Variants in ECM2 observed in about 807,000 individuals in gnomAD.
ECM2 encodes the protein extracellular matrix protein 2.
A neutral mutation model predicts 67.5 loss-of-function variants in ECM2; 57 were observed. The observed-to-expected ratio is 0.84, with a 90% CI of 0.68 to 1.05. ECM2 has a LOEUF of 1.05. ECM2 is among the 50% of genes least tolerant of loss of function. ECM2 has a pLI of 0.00. For missense variants in ECM2, 741 were observed against 822.8 expected (o/e 0.90, Z 1.22); for synonymous variants, 258 against 294.5 (o/e 0.88, Z 1.27).
upstream of ECM2, among the ~76,000 whole-genome samples, chr9:92,540,654 G>T (rs939702701): frequency 6.8e-6 from 1 of 147,724 alleles, no homozygotes; most frequent in Non-Finnish European, 1.5e-5. Context: ...GCCTGTAGTC[G>T]CAGCTACTCG....
chr9:92,507,823 G>A (rs566177297), intron 6 of ECM2, among the ~76,000 whole-genome samples: 16 of 152,088 alleles, frequency 1.1e-4, no homozygotes, highest in African/African-American at 2.2e-4. Context: ...TCCATAACAC[G>A]TGTGCACATC....
chr9:92,513,493 C>T (rs943415970), intron 4 of ECM2, among the ~76,000 whole-genome samples: 4 of 152,134 alleles, frequency 2.6e-5, no homozygotes, highest in African/African-American at 9.7e-5. Context: ...AACATCTGTA[C>T]GTGGATATTT....
intron 1 of ECM2, among the ~76,000 whole-genome samples, chr9:92,524,445 T>C (rs1848265932): frequency 6.6e-6 from 1 of 152,200 alleles, no homozygotes; most frequent in Non-Finnish European, 1.5e-5. Flanking sequence ...GAAACCTCCA[T>C]CAAGGTGTTG....
intron 6 of ECM2, among the ~76,000 whole-genome samples, chr9:92,506,637 G>A (rs549904145): frequency 6.6e-6 from 1 of 152,304 alleles, no homozygotes; most frequent in South Asian, 2.1e-4. Flanking sequence ...ATCAGGAATA[G>A]AAATAATAAA....
chr9:92,548,224 T>TTTCGA, the ECM2 span, among the ~76,000 whole-genome samples: 56,323 of 151,682 alleles, frequency 0.37, 12,848 homozygotes, highest in African/African-American at 0.64. Context: ...TTGTGGGGTC[T>TTTCGA]TTCACTGCTG....
rs2131134144 is a variant in ECM2, at chr9:92,496,309, T to C, written c.*6A>G. ...AAGTTTATAAACAGCAAAGGAAAAC[T>C]TGGAATTACTTGATGTTTTGTGGTT... is the stretch of plus-strand genomic sequence containing the variant. On this transcript the variant is annotated 3_prime_UTR_variant, in exon 10 of 10. Transcript: ENST00000344604. 6.4e-7 allele frequency: 1 copy of C among 1,570,526 alleles called. No homozygotes were observed. Among genetic ancestry groups the C allele is most frequent in the East Asian group, 2.3e-5 (1 of 43,472 alleles).
chr9:92,541,816 C>T, the ECM2 span, among the ~76,000 whole-genome samples: 1 of 151,634 alleles, frequency 6.6e-6, no homozygotes, highest in Non-Finnish European at 1.5e-5. Flanking sequence ...TTTTTTGAGA[C>T]GGAGTCTTGC....
At chr9:92,558,669 A>G in the ECM2 span, among the ~76,000 whole-genome samples, 1 of 152,136 alleles carries the variant, frequency 6.6e-6, no homozygotes, top group African/African-American at 2.4e-5. Context: ...TAGAGTGGAA[A>G]GGGACCAGCA....
the ECM2 span, among the ~76,000 whole-genome samples, chr9:92,553,590 G>A: frequency 6.6e-6 from 1 of 152,052 alleles, no homozygotes; most frequent in Non-Finnish European, 1.5e-5. Context: ...TTTCAGCAGT[G>A]TTTTGTAGTT....
downstream of ECM2, among the ~76,000 whole-genome samples, chr9:92,495,003 T>A (rs1846283526): frequency 6.6e-6 from 1 of 152,074 alleles, no homozygotes; most frequent in Non-Finnish European, 1.5e-5. Context: ...TTGGCTATGC[T>A]GGTTCCTCTC....
At chr9:92,535,104 C>G (rs1327949712) in intron 1 of ECM2, among the ~76,000 whole-genome samples, 1 of 140,884 alleles carries the variant, frequency 7.1e-6, no homozygotes, top group Non-Finnish European at 1.6e-5. Flanking sequence ...CTTTTTTTCC[C>G]CCAAATTGAC....
At chr9:92,540,750 A>G (rs530227518), upstream of ECM2, among the ~76,000 whole-genome samples, 26 of 149,436 alleles carry the variant, frequency 1.7e-4, no homozygotes, top group Admixed American at 4.0e-4. Flanking sequence ...TAGCCTGGGC[A>G]ACAGAGCACG....
At chr9:92,542,777 G>T in the ECM2 span, among the ~76,000 whole-genome samples, 2 of 152,270 alleles carry the variant, frequency 1.3e-5, no homozygotes, top group East Asian at 1.9e-4. Context: ...CTCCCAAAGC[G>T]CTGGGATTAC....
the ECM2 span, among the ~76,000 whole-genome samples, chr9:92,544,712 A>ATT: frequency 2.2e-3 from 295 of 132,402 alleles, 3 homozygotes; most frequent in South Asian, 0.015. Flanking sequence ...ATCACTATAA[A>ATT]TTTTTTTTTT....
At chr9:92,539,918 C>T (rs528435937), upstream of ECM2, among the ~76,000 whole-genome samples, 58 of 152,140 alleles carry the variant, frequency 3.8e-4, 1 homozygote, top group Middle Eastern at 0.01. Flanking sequence ...AGTTTGTGTA[C>T]GCATTTCCAG....
chr9:92,537,098 A>G (rs2131302720), upstream of ECM2, among the ~76,000 whole-genome samples: 1 of 150,992 alleles, frequency 6.6e-6, no homozygotes, highest in East Asian at 2.0e-4. Context: ...CTGGTCTCGA[A>G]CTCTTGACCT....
chr9:92,533,312 AAAAAAAAAAAAAAAAAATAT>A (rs1359548665), intron 1 of ECM2, among the ~76,000 whole-genome samples: 1 of 88,680 alleles, frequency 1.1e-5, no homozygotes, highest in Admixed American at 1.2e-4. Context: ...ACAAAAAAAA[AAAAAAAAAAAAAAAAAATAT>A]ATATATATAT....
chr9:92,496,056 CATA>C lies in ECM2; in HGVS notation c.*256_*258del. ...GACTCTTCTGGTCTAGCTCAGTATG[CATA>C]ATATCCTATTCTAGTGAGATGGCCT... On this transcript the variant is annotated 3_prime_UTR_variant, in exon 10 of 10. Transcript: ENST00000344604. The C allele has an allele frequency of 9.3e-7, 1 of 1,078,892 alleles. No homozygotes were observed. Among genetic ancestry groups the C allele is most frequent in the Non-Finnish European group, 1.1e-6 (1 of 892,494 alleles). 66.8% of individuals were successfully genotyped at this position (1,078,892 alleles called of 1,614,324 possible).
the ECM2 span, among the ~76,000 whole-genome samples, chr9:92,547,438 C>T: frequency 0.012 from 1,760 of 152,304 alleles, 43 homozygotes; most frequent in African/African-American, 0.04. Context: ...GTACAAAATG[C>T]TGCATAGCCA....
Sources: allele counts gnomAD v4.1 joint callset (sites outside exome capture counted in the v4.1 genomes callset), GRCh38; gene constraint gnomAD v4.1.1; transcripts MANE v1.5; gene names NCBI Gene and HGNC (gene_info 2026-07-23, HGNC 2026-07-21).